The following ZYG11B variants were observed in gnomAD, a reference collection of about 807,000 sequenced individuals.
The protein encoded by ZYG11B is protein zyg-11 homolog B.
ZYG11B carries 36 observed loss-of-function variants against 82.4 expected under a neutral mutation model. The ratio of observed to expected loss-of-function variants is 0.44; its 90% CI spans 0.33 to 0.58. ZYG11B has a LOEUF of 0.58. Ranked by LOEUF, ZYG11B falls within the 20% of genes least tolerant of loss-of-function variation. The pLI, the probability that ZYG11B is intolerant of heterozygous loss-of-function variation, is 0.02. For synonymous variants in ZYG11B, 303 were observed against 312.8 expected, an observed-to-expected ratio of 0.97 and a Z score of 0.33; for missense variants, 552 against 895.6, an observed-to-expected ratio of 0.62 and a Z score of 4.90.
rs1645328915 is a variant in ZYG11B, at chr1:52,826,818, A to G, written c.*5189A>G. 1 of 152,166 alleles carries G rather than the reference A, an allele frequency of 6.6e-6. No individual in the cohort carries two copies. The highest frequency in any genetic ancestry group is 1.5e-5 in the Non-Finnish European group (1 of 68,022). 9.4% of individuals were successfully genotyped at this position (152,166 alleles called of 1,614,324 possible). A position where few individuals can be genotyped will look rare whatever the true frequency, so the allele number is the denominator to read the frequency against. ...ATCATCAATCTATTTTATTAATGTT[A>G]TGTGTTTAATTTTGGACTTATTTTG... On this transcript the variant is annotated 3_prime_UTR_variant, in exon 14 of 14. Transcript: ENST00000294353.
At position 52,824,809 on chromosome 1, in the gene ZYG11B, A is replaced by G. The variant is rs1029932342; in HGVS notation, c.*3180A>G. On this transcript the variant is annotated 3_prime_UTR_variant, in exon 14 of 14. Transcript: ENST00000294353. Reference sequence around the variant, plus strand: ...GATGTATGTATTGGAATTATGAGGCATAAGTAGCCAGTATCTATAGTTAGA... The same window carrying G: ...GATGTATGTATTGGAATTATGAGGCGTAAGTAGCCAGTATCTATAGTTAGA... 6.6e-6 allele frequency: 1 copy of G among 152,190 alleles called. No homozygotes were observed. Among genetic ancestry groups the G allele is most frequent in the Non-Finnish European group, 1.5e-5 (1 of 68,036 alleles). 9.4% of individuals were successfully genotyped at this position (152,190 alleles called of 1,614,324 possible).
chr1:52,734,759 G>A lies in ZYG11B; in HGVS notation c.30+8076G>A, dbSNP rs988460690. On this transcript the variant is annotated intron_variant, in intron 1 of 13. Transcript: ENST00000294353. ...TTCTTTTATTTTGAGATGGAGTTTCGCTCTTGTTGCCCAGGTTGGAGTGCA... is the reference window on the plus strand; with the variant it reads ...TTCTTTTATTTTGAGATGGAGTTTCACTCTTGTTGCCCAGGTTGGAGTGCA... Among the ~76,000 whole-genome samples, 8 of 151,502 alleles carry A rather than the reference G, an allele frequency of 5.3e-5. No homozygotes were observed. In the South Asian group the frequency reaches 8.3e-4, roughly 16 times the overall value.
intron 1 of ZYG11B, among the ~76,000 whole-genome samples, chr1:52,741,061 G>C (rs1644425476): frequency 6.6e-6 from 1 of 151,776 alleles, no homozygotes; most frequent in African/African-American, 2.4e-5. Flanking sequence ...ACTTTGGGAG[G>C]CCGAGGCGGG....
At chr1:52,769,514 C>T (rs1193385383) in intron 2 of ZYG11B, among the ~76,000 whole-genome samples, 2 of 152,120 alleles carry the variant, frequency 1.3e-5, no homozygotes, top group Non-Finnish European at 2.9e-5. Flanking sequence ...CACCTGCTTT[C>T]CAAGTGCTCT....
intron 1 of ZYG11B, among the ~76,000 whole-genome samples, chr1:52,743,770 T>C (rs6588439): frequency 0.12 from 18,647 of 152,112 alleles, 2,592 homozygotes; most frequent in East Asian, 0.35. Flanking sequence ...ATTTATAGTC[T>C]ACAATAGTGT....
intron 3 of ZYG11B, chr1:52,772,595 A>G (rs1274328734): frequency 3.4e-6 from 5 of 1,473,938 alleles, no homozygotes; most frequent in Non-Finnish European, 4.7e-6. Flanking sequence ...AGCTGCGTCG[A>G]TAGGGTAAAG....
intron 1 of ZYG11B, among the ~76,000 whole-genome samples, chr1:52,736,859 G>C (rs144135499): frequency 0.026 from 3,979 of 151,830 alleles, 134 homozygotes; most frequent in East Asian, 0.17. Context: ...AGAGTGCTGG[G>C]ATTACAGGTG....
intron 8 of ZYG11B, among the ~76,000 whole-genome samples, chr1:52,797,407 T>A (rs1214667664): frequency 1.0e-5 from 1 of 97,558 alleles, no homozygotes; most frequent in Admixed American, 1.6e-4. Context: ...ATATGAAATA[T>A]ATATCATATA....
chr1:52,764,748 A>G (rs529415825), intron 2 of ZYG11B, among the ~76,000 whole-genome samples: 1 of 152,264 alleles, frequency 6.6e-6, no homozygotes, highest in Admixed American at 6.5e-5. Flanking sequence ...CTGTTCTCTT[A>G]AGAAGAATAA....
chr1:52,800,210 A>G (rs1213880042), intron 8 of ZYG11B, among the ~76,000 whole-genome samples: 1 of 151,686 alleles, frequency 6.6e-6, no homozygotes, highest in Non-Finnish European at 1.5e-5. Context: ...TGGGAGTTCA[A>G]GTCTACAGCG....
At chr1:52,816,729 G>GTCAGTGTTCTT in intron 13 of ZYG11B, 100 bp downstream of exon 13, 1 of 679,520 alleles carries the variant, frequency 1.5e-6, no homozygotes, top group Non-Finnish European at 2.4e-6. Context: ...TGATTTTTAA[G>GTCAGTGTTCTT]AACACTGACT....
intron 1 of ZYG11B, among the ~76,000 whole-genome samples, 193 bp downstream of exon 1, chr1:52,726,876 T>C (rs1644288791): frequency 6.6e-6 from 1 of 151,954 alleles, no homozygotes; most frequent in South Asian, 2.1e-4. Flanking sequence ...GGTGAACCCC[T>C]TTAGGTGACA....
intron 6 of ZYG11B, among the ~76,000 whole-genome samples, chr1:52,792,998 G>C (rs1032472313): frequency 1.3e-5 from 2 of 152,004 alleles, no homozygotes; most frequent in African/African-American, 4.8e-5. Context: ...GCGCCGCTAC[G>C]CAAGGCTAAT....
At chr1:52,736,745 G>A (rs1164693667) in intron 1 of ZYG11B, among the ~76,000 whole-genome samples, 2 of 151,580 alleles carry the variant, frequency 1.3e-5, no homozygotes, top group African/African-American at 2.4e-5. Context: ...GAACCACCAC[G>A]CCTGGCTAAT....
At chr1:52,747,715 C>T (rs1175058725) in intron 1 of ZYG11B, among the ~76,000 whole-genome samples, 1 of 152,004 alleles carries the variant, frequency 6.6e-6, no homozygotes, top group East Asian at 1.9e-4. Flanking sequence ...TCATAGATAA[C>T]CATGGTGTAA....
At position 52,801,745 on chromosome 1, in the gene ZYG11B, T is replaced by G. The variant is rs566299312; in HGVS notation, c.1486-74T>G. 9.2e-5 allele frequency: 116 copies of G among 1,255,472 alleles called. No individual in the cohort carries two copies. The African/African-American group carries it at 1.5e-3, about 16-fold the overall frequency. The allele number at this position is 1,255,472 out of a possible 1,614,324, so 77.8% of individuals were successfully genotyped here. A position where few individuals can be genotyped will look rare whatever the true frequency, so the allele number is the denominator to read the frequency against. On this transcript the variant is annotated intron_variant, in intron 8 of 13. Coordinates refer to ENST00000294353, the MANE Select transcript of ZYG11B (RefSeq NM_024646.3). ...GCCATGAGACTAATCCTCATGGACTTGGGGTTATTAATCACCACAAATTGT... is the reference window on the plus strand; with the variant it reads ...GCCATGAGACTAATCCTCATGGACTGGGGGTTATTAATCACCACAAATTGT...
At chr1:52,803,113 TATATAC>T (rs1558140069) in intron 10 of ZYG11B, among the ~76,000 whole-genome samples, 5,527 of 83,562 alleles carry the variant, frequency 0.066, 710 homozygotes, top group East Asian at 0.088. Context: ...TATATATATA[TATATAC>T]ACACATATAT....
chr1:52,768,623 C>G lies in ZYG11B; in HGVS notation c.197-2397C>G, dbSNP rs147014233. Among the ~76,000 whole-genome samples the G allele has an allele frequency of 2.5e-3, 329 of 132,038 alleles. 11 individuals carry two copies. The East Asian group carries it at 0.063, about 25-fold the overall frequency. 86.6% of individuals were successfully genotyped at this position (132,038 alleles called of 152,430 possible). A position where few individuals can be genotyped will look rare whatever the true frequency, so the allele number is the denominator to read the frequency against. Reference sequence around the variant, plus strand: ...TTTTTTTTTTTTTTTGAAATGGAGTCTTGCTCTGACGCCCAGGCTGGAGTG... The same window carrying G: ...TTTTTTTTTTTTTTTGAAATGGAGTGTTGCTCTGACGCCCAGGCTGGAGTG... On this transcript the variant is annotated intron_variant, in intron 2 of 13. Coordinates refer to ENST00000294353, the MANE Select transcript of ZYG11B (RefSeq NM_024646.3).
chr1:52,805,355 G>T (rs1023310306), intron 10 of ZYG11B: 7 of 384,002 alleles, frequency 1.8e-5, no homozygotes. Flanking sequence ...GCCATTTAAG[G>T]AAGACCTATC....
Sources: gnomAD v4.1 joint callset for allele counts (sites outside exome capture counted in the v4.1 genomes callset) on GRCh38, gnomAD v4.1.1 for gene constraint, MANE v1.5 for transcripts, NCBI Gene and HGNC (gene_info 2026-07-23, HGNC 2026-07-21) for gene names.